The following FSTL5 variants were observed in gnomAD, a reference collection of about 807,000 sequenced individuals.
FSTL5 encodes follistatin-related protein 5.
FSTL5 carries 62 observed loss-of-function variants against 89.1 expected under a neutral mutation model. The ratio of observed to expected loss-of-function variants is 0.70; its 90% CI spans 0.57 to 0.86. The LOEUF (loss-of-function observed/expected upper bound fraction) is 0.86. Ranked by LOEUF, FSTL5 falls within the 40% of genes least tolerant of loss-of-function variation. The probability of loss-of-function intolerance (pLI) is 0.00; values close to 1 mark genes in which losing one functional copy is unlikely to be tolerated. For synonymous variants in FSTL5, 383 were observed against 346.2 expected, an observed-to-expected ratio of 1.11 and a Z score of -1.18; for missense variants, 1,057 against 1,001.6, an observed-to-expected ratio of 1.06 and a Z score of -0.75.
At chr4:161,946,683 A>C (rs1018817144) in intron 3 of FSTL5, among the ~76,000 whole-genome samples, 7 of 152,196 alleles carry the variant, frequency 4.6e-5, no homozygotes, top group African/African-American at 1.7e-4. Context: ...CATGGGGATA[A>C]TATGAATAAA....
chr4:161,984,320 T>C (rs1347643310), intron 3 of FSTL5, among the ~76,000 whole-genome samples: 1 of 152,098 alleles, frequency 6.6e-6, no homozygotes, highest in Non-Finnish European at 1.5e-5. Flanking sequence ...TTGCTTTTTT[T>C]GCTATAAGTT....
intron 15 of FSTL5, among the ~76,000 whole-genome samples, chr4:161,404,664 A>G (rs538465041): frequency 6.6e-6 from 1 of 152,210 alleles, no homozygotes; most frequent in South Asian, 2.1e-4. Context: ...ACAGTACGTA[A>G]CAATAAAAAA....
At chr4:161,797,346 T>G (rs1729662479) in intron 4 of FSTL5, among the ~76,000 whole-genome samples, 1 of 151,618 alleles carries the variant, frequency 6.6e-6, no homozygotes, top group Non-Finnish European at 1.5e-5. Context: ...TTCTCTCAAT[T>G]GGGTTAAATG....
At chr4:161,973,677 T>G (rs1735549164) in intron 3 of FSTL5, among the ~76,000 whole-genome samples, 1 of 152,156 alleles carries the variant, frequency 6.6e-6, no homozygotes, top group Admixed American at 6.5e-5. Flanking sequence ...GCGGTGATGT[T>G]AGGAAAGTTA....
intron 3 of FSTL5, among the ~76,000 whole-genome samples, chr4:161,951,426 TTGAGATTTTA>T (rs1386795248): frequency 6.6e-6 from 1 of 152,144 alleles, no homozygotes; most frequent in Non-Finnish European, 1.5e-5. Flanking sequence ...GTTTGTCTCT[TTGAGATTTTA>T]GTTCATTAAG....
chr4:161,990,260 T>A (rs931707038), intron 3 of FSTL5, among the ~76,000 whole-genome samples: 1 of 152,012 alleles, frequency 6.6e-6, no homozygotes, highest in Non-Finnish European at 1.5e-5. Context: ...AATGAGACAA[T>A]CAAATACACT....
intron 3 of FSTL5, among the ~76,000 whole-genome samples, chr4:161,948,545 T>C (rs192445303): frequency 1.2e-3 from 178 of 145,552 alleles, no homozygotes; most frequent in African/African-American, 4.2e-3. Flanking sequence ...GGAATGCAGT[T>C]CAAGCCGTTC....
chr4:162,069,656 T>G (rs1056793753), intron 2 of FSTL5, among the ~76,000 whole-genome samples: 4 of 151,990 alleles, frequency 2.6e-5, no homozygotes, highest in African/African-American at 9.7e-5. Flanking sequence ...TATCTTTCTG[T>G]GTCTGACCCA....
At chr4:162,106,921 G>A (rs903219818) in intron 2 of FSTL5, among the ~76,000 whole-genome samples, 9 of 152,182 alleles carry the variant, frequency 5.9e-5, no homozygotes, top group Non-Finnish European at 1.2e-4. Flanking sequence ...AACAGACGCT[G>A]TTTGCAATGC....
intron 5 of FSTL5, among the ~76,000 whole-genome samples, chr4:161,770,679 T>C (rs971217164): frequency 1.3e-5 from 2 of 152,080 alleles, no homozygotes; most frequent in East Asian, 1.9e-4. Context: ...CTTAATTTTA[T>C]GGGCAAGAAA....
chr4:161,860,676 C>T (rs1731882439), intron 4 of FSTL5, among the ~76,000 whole-genome samples: 1 of 152,076 alleles, frequency 6.6e-6, no homozygotes, highest in Non-Finnish European at 1.5e-5. Context: ...CATTTATATT[C>T]TATTTGGTGA....
chr4:162,032,283 A>G (rs1164887735), intron 3 of FSTL5, among the ~76,000 whole-genome samples: 4 of 152,148 alleles, frequency 2.6e-5, no homozygotes, highest in Non-Finnish European at 5.9e-5. Context: ...GAAGATGCAT[A>G]CTCAGTAAGT....
intron 2 of FSTL5, among the ~76,000 whole-genome samples, chr4:162,097,705 G>A (rs929558248): frequency 6.6e-6 from 1 of 151,616 alleles, no homozygotes; most frequent in Non-Finnish European, 1.5e-5. Flanking sequence ...AAGTCAGAAT[G>A]CAAAAGAAAA....
intron 10 of FSTL5, among the ~76,000 whole-genome samples, chr4:161,518,292 C>A (rs1730909962): frequency 6.6e-6 from 1 of 152,078 alleles, no homozygotes; most frequent in South Asian, 2.1e-4. Context: ...TAATCATATT[C>A]TTTTGGGAGG....
At chr4:161,401,456 A>T (rs911516555) in intron 15 of FSTL5, among the ~76,000 whole-genome samples, 2 of 152,194 alleles carry the variant, frequency 1.3e-5, no homozygotes, top group African/African-American at 4.8e-5. Context: ...TAGTTTTAAG[A>T]ATCTCAGTGT....
chr4:161,844,877 C>T (rs547595966), intron 4 of FSTL5, among the ~76,000 whole-genome samples: 89 of 151,994 alleles, frequency 5.9e-4, no homozygotes, highest in South Asian at 5.0e-3. Context: ...CATTTGTACA[C>T]CTATGTAACA....
intron 3 of FSTL5, among the ~76,000 whole-genome samples, chr4:161,958,662 C>T (rs535468032): frequency 2.9e-4 from 44 of 152,188 alleles, no homozygotes; most frequent in Middle Eastern, 3.4e-3. Flanking sequence ...AAAAGCATTC[C>T]TAACCCTATG....
intron 1 of FSTL5, among the ~76,000 whole-genome samples, chr4:162,127,814 A>G (rs1002173345): frequency 3.3e-5 from 5 of 152,198 alleles, no homozygotes; most frequent in South Asian, 2.1e-4. Flanking sequence ...ATTATTTTAT[A>G]TATGCATTAA....
chr4:161,708,251 T>A (rs961998701), intron 6 of FSTL5, among the ~76,000 whole-genome samples: 3 of 152,016 alleles, frequency 2.0e-5, no homozygotes, highest in African/African-American at 7.2e-5. Flanking sequence ...ACTACAGATC[T>A]CTTTACTTTT....
Sources: allele counts gnomAD v4.1 joint callset (sites outside exome capture counted in the v4.1 genomes callset), GRCh38; gene constraint gnomAD v4.1.1; transcripts MANE v1.5; gene names NCBI Gene and HGNC (gene_info 2026-07-23, HGNC 2026-07-21).